The following RYR2 variants were observed in gnomAD, a reference collection of about 807,000 sequenced individuals.
RYR2 encodes the protein cardiac muscle ryanodine receptor-calcium release channel.
In RYR2, 227 loss-of-function variants were observed where a neutral mutation model predicts 601.1. That is an observed-to-expected ratio of 0.38 (90% confidence interval 0.34 to 0.42). The LOEUF is 0.42. Ranked by LOEUF, RYR2 falls within the 10% of genes least tolerant of loss-of-function variation. The probability of loss-of-function intolerance (pLI) is 1.00; values close to 1 mark genes in which losing one functional copy is unlikely to be tolerated. For missense variants in RYR2, 4,646 were observed against 6,156.5 expected, an observed-to-expected ratio of 0.75 and a Z score of 8.21; for synonymous variants, 2,223 against 2,175.1, an observed-to-expected ratio of 1.02 and a Z score of -0.61.
intron 2 of RYR2, among the ~76,000 whole-genome samples, chr1:237,327,798 A>C (rs1368823047): frequency 2.0e-5 from 3 of 152,206 alleles, no homozygotes; most frequent in Admixed American, 1.3e-4. Flanking sequence ...TCATTTATTC[A>C]TAACAACCCT....
At chr1:237,222,791 C>T (rs954176600) in intron 1 of RYR2, among the ~76,000 whole-genome samples, 6 of 152,012 alleles carry the variant, frequency 3.9e-5, no homozygotes, top group East Asian at 1.9e-4. Flanking sequence ...ATTGGCTGGG[C>T]GCGGTGGCTT....
At chr1:237,512,592 G>A (rs1239042614) in intron 24 of RYR2, among the ~76,000 whole-genome samples, 2 of 152,190 alleles carry the variant, frequency 1.3e-5, no homozygotes, top group Non-Finnish European at 2.9e-5. Context: ...GCCAAAGTCA[G>A]CTGGGCATAG....
At chr1:237,791,542 C>G (rs1432145455) in intron 93 of RYR2, 27 bp downstream of exon 93, 1 of 1,133,678 alleles carries the variant, frequency 8.8e-7, no homozygotes, top group Non-Finnish European at 1.3e-6. Flanking sequence ...GTTTTAATTA[C>G]TGGTATAAAA....
At chr1:237,257,221 C>T (rs976601212) in intron 1 of RYR2, among the ~76,000 whole-genome samples, 4 of 152,114 alleles carry the variant, frequency 2.6e-5, no homozygotes, top group African/African-American at 4.8e-5. Flanking sequence ...TTGTCTCATT[C>T]GACCACCTGC....
At chr1:237,778,956 A>G (rs1468805209) in intron 88 of RYR2, among the ~76,000 whole-genome samples, 186 bp downstream of exon 88, 1 of 152,212 alleles carries the variant, frequency 6.6e-6, no homozygotes, top group Non-Finnish European at 1.5e-5. Context: ...AAAAACCGTT[A>G]TGTAACCTGA....
intron 24 of RYR2, among the ~76,000 whole-genome samples, chr1:237,529,127 A>T (rs917698364): frequency 2.6e-5 from 4 of 152,174 alleles, no homozygotes; most frequent in African/African-American, 9.7e-5. Context: ...AAATAAAGGA[A>T]TGGAGGGTGC....
intron 1 of RYR2, among the ~76,000 whole-genome samples, chr1:237,151,193 T>C (rs1478621619): frequency 6.6e-6 from 1 of 152,176 alleles, no homozygotes; most frequent in East Asian, 1.9e-4. Flanking sequence ...ATTAAGAAAT[T>C]CATATTCAGA....
At chr1:237,760,829 T>TGTAATGAATGGAGACAC in intron 83 of RYR2, 126 bp from the exon 84 acceptor site, 1 of 671,096 alleles carries the variant, frequency 1.5e-6, no homozygotes, top group African/African-American at 1.8e-5. Context: ...AATGGAGACA[T>TGTAATGAATGGAGACAC]GTTTTCAGTG....
intron 29 of RYR2, among the ~76,000 whole-genome samples, chr1:237,579,248 C>CTTTTTTTTTT (rs546960253): frequency 2.9e-5 from 2 of 68,102 alleles, no homozygotes; most frequent in African/African-American, 4.9e-5. Context: ...TCTTCTTCTT[C>CTTTTTTTTTT]TTTTTTTTTT....
intron 10 of RYR2, among the ~76,000 whole-genome samples, chr1:237,405,215 T>C (rs1452031218): frequency 6.6e-6 from 1 of 152,248 alleles, no homozygotes; most frequent in African/African-American, 2.4e-5. Flanking sequence ...TGACCCTAAA[T>C]TGTAGAGATG....
chr1:237,337,671 C>T (rs1196969164), intron 3 of RYR2, among the ~76,000 whole-genome samples: 3 of 152,172 alleles, frequency 2.0e-5, no homozygotes, highest in Non-Finnish European at 4.4e-5. Context: ...TATGAGTATG[C>T]TGTCATCATT....
rs1042626135 is a variant in RYR2 at position 237,180,595 on chromosome 1, T to G, written c.49-89902T>G. Among the ~76,000 whole-genome samples, 4 of 128,280 alleles carry G rather than the reference T, an allele frequency of 3.1e-5. No individual in the cohort carries two copies. Among genetic ancestry groups the G allele is most frequent in the Non-Finnish European group, 4.8e-5 (3 of 62,264 alleles). 84.2% of individuals were successfully genotyped at this position (128,280 alleles called of 152,430 possible). A position where few individuals can be genotyped will look rare whatever the true frequency, so the allele number is the denominator to read the frequency against. On this transcript the variant is annotated intron_variant, in intron 1 of 104. Transcript: ENST00000366574. The surrounding 1 kb of genome is among the most constrained non-coding windows in gnomAD (Gnocchi z 5.3). ...GTGTGTGTGTGTATATATGTATATA[T>G]AAGTATATATATGTATATATGTATA...
At chr1:237,595,725 C>G in intron 34 of RYR2, 68 bp downstream of exon 34, 1 of 1,522,988 alleles carries the variant, frequency 6.6e-7, no homozygotes, top group Non-Finnish European at 8.8e-7. Flanking sequence ...AAGGAAAACA[C>G]AGTTTGTAAG....
At chr1:237,284,259 T>C (rs559672318) in intron 2 of RYR2, among the ~76,000 whole-genome samples, 2 of 148,942 alleles carry the variant, frequency 1.3e-5, no homozygotes, top group African/African-American at 5.0e-5. Flanking sequence ...CGGGCACCTG[T>C]AATCCCAGCT....
intron 1 of RYR2, among the ~76,000 whole-genome samples, chr1:237,251,328 C>T (rs1387014072): frequency 6.6e-6 from 1 of 152,174 alleles, no homozygotes. Flanking sequence ...CATTCTGGAT[C>T]TCTTCCCCAC....
Position 237,106,895 on chromosome 1 carries a change from T to TTACTTTGTAATCTTACAAAGTATG in RYR2, c.48+64326_48+64327insTACTTTGTAATCTTACAAAGTATG, listed in dbSNP as rs1558243946. Among the ~76,000 whole-genome samples the TTACTTTGTAATCTTACAAAGTATG allele has an allele frequency of 6.6e-6, 1 of 152,096 alleles. No homozygotes were observed. Among genetic ancestry groups the TTACTTTGTAATCTTACAAAGTATG allele is most frequent in the African/African-American group, 2.4e-5 (1 of 41,424 alleles). On this transcript the variant is annotated intron_variant, in intron 1 of 104. Transcript: ENST00000366574. This position sits in a 1 kb window ranked among gnomAD's most constrained non-coding sequence, Gnocchi z 4.4. ...GAAGGGACAAAGGAGCTCTCTGAAG[T>TTACTTTGTAATCTTACAAAGTATG]CCCTTTGTAAAGGGCAGTAATCACC...
intron 1 of RYR2, among the ~76,000 whole-genome samples, chr1:237,147,476 T>C (rs1442242995): frequency 2.0e-5 from 3 of 152,230 alleles, no homozygotes; most frequent in Non-Finnish European, 4.4e-5. Context: ...TCCTCTAAAC[T>C]TGAGCCCCTC....
At chr1:237,640,479 G>A (rs1045685655) in intron 46 of RYR2, among the ~76,000 whole-genome samples, 8 of 152,170 alleles carry the variant, frequency 5.3e-5, no homozygotes, top group Non-Finnish European at 5.9e-5. Flanking sequence ...GCACTGTACT[G>A]GATGCCTTAC....
At chr1:237,485,986 A>T (rs946012230) in intron 17 of RYR2, among the ~76,000 whole-genome samples, 2 of 152,134 alleles carry the variant, frequency 1.3e-5, no homozygotes, top group African/African-American at 4.8e-5. Context: ...GGAGGAGAGG[A>T]TATAGTAAGA....
Sources: gnomAD v4.1 joint callset for allele counts (sites outside exome capture counted in the v4.1 genomes callset) on GRCh38, gnomAD v4.1.1 for gene constraint, Gnocchi (gnomAD v3.1) non-coding constraint, MANE v1.5 for transcripts, NCBI Gene and HGNC (gene_info 2026-07-23, HGNC 2026-07-21) for gene names.